STAU2: variants seen among roughly 807,000 people sequenced by gnomAD.
STAU2 encodes the protein double-stranded RNA-binding protein Staufen homolog 2.
A neutral mutation model predicts 65.9 loss-of-function variants in STAU2; 20 were observed. That is an observed-to-expected ratio of 0.30 (90% CI 0.21 to 0.44). The LOEUF is 0.44. Ranked by LOEUF, STAU2 falls within the 20% of genes least tolerant of loss-of-function variation. The pLI is 1.00. For missense variants in STAU2, 558 were observed against 683.9 expected, an observed-to-expected ratio of 0.82 and a Z score of 2.05; for synonymous variants, 232 against 233.9, an observed-to-expected ratio of 0.99 and a Z score of 0.07.
chr8:73,618,852 T>A (rs1443629975), intron 6 of STAU2, among the ~76,000 whole-genome samples: 1 of 152,176 alleles, frequency 6.6e-6, no homozygotes, highest in Non-Finnish European at 1.5e-5. Context: ...AGACTGGCTA[T>A]GGAATATGAG....
At chr8:73,603,628 C>G in intron 10 of STAU2, 98 bp downstream of exon 10, 1 of 1,461,578 alleles carries the variant, frequency 6.8e-7, no homozygotes, top group Non-Finnish European at 9.1e-7. Context: ...AACAGTTTTA[C>G]TTTCTGCTCT....
intron 13 of STAU2, chr8:73,549,776 A>C: frequency 2.0e-6 from 2 of 985,738 alleles, no homozygotes; most frequent in Non-Finnish European, 2.4e-6. Context: ...AAAAAGTTCT[A>C]ACCTAGAAAC....
chr8:73,467,488 C>T (rs983740598), intron 13 of STAU2, among the ~76,000 whole-genome samples: 16 of 152,078 alleles, frequency 1.1e-4, no homozygotes, highest in African/African-American at 2.9e-4. Flanking sequence ...GCCGAGATCG[C>T]GCCACTGCAC....
At chr8:73,471,008 T>C (rs1456810907) in intron 13 of STAU2, among the ~76,000 whole-genome samples, 1 of 152,120 alleles carries the variant, frequency 6.6e-6, no homozygotes, top group Non-Finnish European at 1.5e-5. Flanking sequence ...GTCTTCTCTT[T>C]AACCTCCACT....
At chr8:73,458,219 T>C (rs1242748954) in intron 13 of STAU2, among the ~76,000 whole-genome samples, 16 of 152,248 alleles carry the variant, frequency 1.1e-4, no homozygotes, top group Admixed American at 9.8e-4. Flanking sequence ...TAGGATTGAC[T>C]TGGAATTTTG....
At chr8:73,713,764 C>T (rs1821054749) in intron 3 of STAU2, among the ~76,000 whole-genome samples, 1 of 152,168 alleles carries the variant, frequency 6.6e-6, no homozygotes, top group South Asian at 2.1e-4. Flanking sequence ...TAAACCAGAA[C>T]TTAAAGTAGC....
chr8:73,740,259 T>C (rs1322916367), intron 1 of STAU2, among the ~76,000 whole-genome samples: 1 of 152,236 alleles, frequency 6.6e-6, no homozygotes, highest in Non-Finnish European at 1.5e-5. Flanking sequence ...AAGATAATGT[T>C]TGTTGTCTTA....
intron 13 of STAU2, among the ~76,000 whole-genome samples, chr8:73,507,317 G>A (rs1449649521): frequency 6.6e-6 from 1 of 152,084 alleles, no homozygotes; most frequent in Admixed American, 6.6e-5. Context: ...ATGGGCTGCA[G>A]AATGAATGCT....
intron 11 of STAU2, among the ~76,000 whole-genome samples, chr8:73,594,807 T>C (rs532787980): frequency 2.4e-4 from 37 of 152,364 alleles, no homozygotes; most frequent in South Asian, 1.2e-3. Flanking sequence ...TTATTTCCAG[T>C]GTTTTCAGCT....
chr8:73,635,952 C>CACACACACACACACACACACA (rs1586165974), intron 6 of STAU2, among the ~76,000 whole-genome samples: 3 of 80,176 alleles, frequency 3.7e-5, no homozygotes, highest in South Asian at 4.1e-4. Flanking sequence ...ACACACACAC[C>CACACACACACACACACACACA]CCTGGAACCA....
chr8:73,653,039 AAT>A (rs1491053582), intron 6 of STAU2: 1 of 152,210 alleles, frequency 6.6e-6, no homozygotes, highest in Non-Finnish European at 1.5e-5. Context: ...TTCAAACAAT[AAT>A]ATCGGTTTTC....
intron 12 of STAU2, among the ~76,000 whole-genome samples, chr8:73,576,814 T>G (rs1809596311): frequency 6.6e-6 from 1 of 152,174 alleles, no homozygotes; most frequent in Admixed American, 6.5e-5. Flanking sequence ...CTTTATTTTC[T>G]CCTTATGCTT....
chr8:73,486,626 T>TATATATATAC (rs1162134427), intron 13 of STAU2, among the ~76,000 whole-genome samples: 2 of 144,602 alleles, frequency 1.4e-5, no homozygotes, highest in African/African-American at 5.1e-5. Context: ...TATATATATA[T>TATATATATAC]ACACATTTAT....
chr8:73,615,066 C>T (rs924370868), intron 8 of STAU2, among the ~76,000 whole-genome samples: 2 of 152,160 alleles, frequency 1.3e-5, no homozygotes, highest in African/African-American at 4.8e-5. Flanking sequence ...AGCTTATTTC[C>T]TGGTTCTTGT....
chr8:73,553,184 C>T (rs1266174644), intron 12 of STAU2, among the ~76,000 whole-genome samples: 1 of 152,190 alleles, frequency 6.6e-6, no homozygotes, highest in Non-Finnish European at 1.5e-5. Context: ...TTTCAAACTG[C>T]TTATTCTTAT....
intron 13 of STAU2, among the ~76,000 whole-genome samples, chr8:73,537,564 G>A (rs576200388): frequency 1.3e-5 from 2 of 152,256 alleles, no homozygotes; most frequent in East Asian, 1.9e-4. Flanking sequence ...CAGGCATAAC[G>A]TTTTCCAAGT....
chr8:73,579,336 C>G (rs528679185), intron 12 of STAU2, among the ~76,000 whole-genome samples: 2 of 152,258 alleles, frequency 1.3e-5, no homozygotes, highest in East Asian at 3.9e-4. Flanking sequence ...TCCGAATAAT[C>G]TTTTAGTGGG....
At chr8:73,458,377 A>G (rs1819178407) in intron 13 of STAU2, among the ~76,000 whole-genome samples, 1 of 152,256 alleles carries the variant, frequency 6.6e-6, no homozygotes. Flanking sequence ...TTAATGTACA[A>G]ACACCTTTTT....
In STAU2 at chr8:73,472,649, C is replaced by T. The variant is rs1384873557; in HGVS notation, c.1531-49947G>A. 2.0e-5 allele frequency among the ~76,000 whole-genome samples: 3 copies of T among 151,444 alleles called. No homozygotes were observed. In the East Asian group the frequency reaches 5.8e-4, roughly 29 times the overall value. ...AGAAATTTTTTTTTTGCATATAGTA[C>T]AAACTTCAAAGAATTCTGTTTCATA... On this transcript the variant is annotated intron_variant, in intron 13 of 14. Coordinates refer to ENST00000524300, the MANE Select transcript of STAU2 (RefSeq NM_001164380.2).
Sources: allele counts gnomAD v4.1 joint callset (sites outside exome capture counted in the v4.1 genomes callset), GRCh38; gene constraint gnomAD v4.1.1; transcripts MANE v1.5; gene names NCBI Gene and HGNC (gene_info 2026-07-23, HGNC 2026-07-21).